ATP2B1: variants seen among roughly 807,000 people sequenced by gnomAD.
ATP2B1 encodes ATPase plasma membrane Ca2+ transporting 1.
Under a neutral mutation model 124.2 loss-of-function variants are expected in ATP2B1, and 14 were observed. The ratio of observed to expected loss-of-function variants is 0.11; its 90% CI spans 0.07 to 0.18. ATP2B1 has a LOEUF of 0.18. Among genes scored for constraint, ATP2B1 ranks in the 10% least tolerant of loss-of-function variants. The pLI is 1.00. For missense variants in ATP2B1, 763 were observed against 1,466.1 expected, an observed-to-expected ratio of 0.52 and a Z score of 7.83; for synonymous variants, 449 against 492.4, an observed-to-expected ratio of 0.91 and a Z score of 1.17.
At chr12:89,673,041 T>C (rs1293671965) in intron 1 of ATP2B1, among the ~76,000 whole-genome samples, 1 of 152,216 alleles carries the variant, frequency 6.6e-6, no homozygotes, top group East Asian at 1.9e-4. Context: ...ATCTTATTCC[T>C]ATCCTCAAAC....
intron 20 of ATP2B1, among the ~76,000 whole-genome samples, chr12:89,596,950 A>C (rs1874737142): frequency 6.6e-6 from 1 of 152,114 alleles, no homozygotes; most frequent in Non-Finnish European, 1.5e-5. Context: ...GAATTCTATC[A>C]AGGGTCATCT....
chr12:89,658,436 G>C (rs1886224038), intron 1 of ATP2B1, among the ~76,000 whole-genome samples: 1 of 152,172 alleles, frequency 6.6e-6, no homozygotes. Context: ...CTGGAGTAGA[G>C]GTAAATAATT....
intron 5 of ATP2B1, among the ~76,000 whole-genome samples, chr12:89,630,938 T>C (rs566627481): frequency 6.6e-6 from 1 of 151,904 alleles, no homozygotes; most frequent in South Asian, 2.1e-4. Context: ...CTGCTAATTT[T>C]TTTAAAAAAA....
intron 20 of ATP2B1, among the ~76,000 whole-genome samples, chr12:89,597,579 A>C (rs1327864935): frequency 2.0e-5 from 3 of 152,150 alleles, no homozygotes; most frequent in Non-Finnish European, 4.4e-5. Flanking sequence ...CCCTTAATTC[A>C]TCCTCTCTGC....
chr12:89,604,014 A>G lies in ATP2B1; in HGVS notation c.2635-89T>C, dbSNP rs1478323541. 2.8e-6 allele frequency: 4 copies of G among 1,436,538 alleles called. No homozygotes were observed. The East Asian group carries it at 7.4e-5, about 27-fold the overall frequency. The allele number at this position is 1,436,538 out of a possible 1,614,324, so 89.0% of individuals were successfully genotyped here. On this transcript the variant is annotated intron_variant, in intron 16 of 20. Coordinates refer to ENST00000428670, the MANE Select transcript of ATP2B1 (RefSeq NM_001366521.1). ...AACCTTTAGGGTTTAAAAACTTGAG[A>G]AACAGAACAGGATTATATTTTTATA...
chr12:89,610,672 C>A (rs977070641), intron 13 of ATP2B1, 164 bp from the exon 14 acceptor site: 24 of 618,146 alleles, frequency 3.9e-5, no homozygotes, highest in Non-Finnish European at 5.7e-5. Context: ...GGACCCAGAT[C>A]TATCTTAGCG....
chr12:89,636,951 A>G (rs1658452340), intron 3 of ATP2B1, among the ~76,000 whole-genome samples: 1 of 152,038 alleles, frequency 6.6e-6, no homozygotes, highest in Admixed American at 6.6e-5. Flanking sequence ...TGTAAGAATG[A>G]CTCTCCCCGC....
chr12:89,661,452 T>C (rs1480693259), intron 1 of ATP2B1, among the ~76,000 whole-genome samples: 2 of 152,208 alleles, frequency 1.3e-5, no homozygotes, highest in African/African-American at 4.8e-5. Context: ...ACACTCATAA[T>C]TGTCTACTTC....
At chr12:89,634,692 T>C (rs1026549542) in intron 5 of ATP2B1, 86 bp downstream of exon 5, 9 of 1,353,456 alleles carry the variant, frequency 6.6e-6, no homozygotes, top group African/African-American at 1.5e-5. Flanking sequence ...CTTTATATTA[T>C]TGACTCTTAG....
At chr12:89,631,927 G>C (rs75309829) in intron 5 of ATP2B1, among the ~76,000 whole-genome samples, 1 of 151,554 alleles carries the variant, frequency 6.6e-6, no homozygotes, top group African/African-American at 2.4e-5. Flanking sequence ...CACCGTGCTC[G>C]GCCTGAAGGT....
chr12:89,625,259 C>CT (rs1350752624), intron 8 of ATP2B1, among the ~76,000 whole-genome samples: 1 of 150,248 alleles, frequency 6.7e-6, no homozygotes, highest in Non-Finnish European at 1.5e-5. Flanking sequence ...GAGCAAGACT[C>CT]TGTCTCCCAC....
chr12:89,594,113 C>G (rs2135863422), intron 20 of ATP2B1: 1 of 152,072 alleles, frequency 6.6e-6, no homozygotes, highest in Non-Finnish European at 1.5e-5. Flanking sequence ...TGCTCGAAAG[C>G]AATTCAATTT....
At chr12:89,620,765 A>C (rs1017966226) in intron 10 of ATP2B1, among the ~76,000 whole-genome samples, 5 of 152,152 alleles carry the variant, frequency 3.3e-5, no homozygotes, top group Non-Finnish European at 7.4e-5. Flanking sequence ...TAATTATCAC[A>C]ATGGTATTAA....
chr12:89,669,613 C>T (rs1414090495), intron 1 of ATP2B1, among the ~76,000 whole-genome samples: 1 of 152,152 alleles, frequency 6.6e-6, no homozygotes, highest in East Asian at 1.9e-4. Context: ...ACCATATGAA[C>T]TATCTTAGAA....
intron 1 of ATP2B1, among the ~76,000 whole-genome samples, chr12:89,680,074 C>T: frequency 6.6e-6 from 1 of 152,084 alleles, no homozygotes; most frequent in East Asian, 1.9e-4. Flanking sequence ...AATAAGCATT[C>T]TTAAACTAAG....
At chr12:89,594,924 T>G (rs1220369651) in intron 20 of ATP2B1, 1 of 152,032 alleles carries the variant, frequency 6.6e-6, no homozygotes, top group Non-Finnish European at 1.5e-5. Flanking sequence ...CTTTTCTATG[T>G]GCACTAACTT....
chr12:89,660,023 A>G (rs959236074), intron 1 of ATP2B1, among the ~76,000 whole-genome samples: 1 of 152,134 alleles, frequency 6.6e-6, no homozygotes, highest in African/African-American at 2.4e-5. Flanking sequence ...GAAAATAGCA[A>G]AGTAAATTAA....
intron 3 of ATP2B1, among the ~76,000 whole-genome samples, chr12:89,637,416 A>T (rs190625498): frequency 8.7e-5 from 13 of 149,622 alleles, no homozygotes; most frequent in Middle Eastern, 3.5e-3. Context: ...TTAAATTTTA[A>T]TTTTTTCTTT....
chr12:89,598,503 G>T, intron 20 of ATP2B1: 2 of 1,400,606 alleles, frequency 1.4e-6, no homozygotes, highest in Non-Finnish European at 1.9e-6. Context: ...CCTGAACAAT[G>T]AATTCAAACA....
Sources: allele counts gnomAD v4.1 joint callset (sites outside exome capture counted in the v4.1 genomes callset), GRCh38; gene constraint gnomAD v4.1.1; transcripts MANE v1.5; gene names NCBI Gene and HGNC (gene_info 2026-07-23, HGNC 2026-07-21).